The following TRAPPC13 variants were observed in gnomAD, a reference collection of about 807,000 sequenced individuals.
The protein encoded by TRAPPC13 is REV7-interacting novel NHEJ regulator 1.
TRAPPC13 carries 39 observed loss-of-function variants against 54.0 expected under a neutral mutation model. The observed-to-expected ratio is 0.72, with a 90% confidence interval of 0.56 to 0.94. The LOEUF is 0.94. Ranked by LOEUF, TRAPPC13 falls within the 40% of genes least tolerant of loss-of-function variation. TRAPPC13 has a pLI of 0.00. For missense variants in TRAPPC13, 386 were observed against 488.1 expected (o/e 0.79, Z 1.97); for synonymous variants, 148 against 167.7 (o/e 0.88, Z 0.91).
intron 7 of TRAPPC13, chr5:65,652,838 CT>C: frequency 2.5e-6 from 1 of 393,408 alleles, no homozygotes; most frequent in South Asian, 2.5e-5. Context: ...GGTTGTTACA[CT>C]AGCAATCTGT....
chr5:65,645,700 A>G lies in TRAPPC13; in HGVS notation c.301-1355A>G, dbSNP rs181788717. ...ATGCCTGTAATCCCAGCTACTCGGG[A>G]GGCTGAGGCAGGAGAATGGCGTGAA... is the stretch of plus-strand genomic sequence containing the variant. On this transcript the variant is annotated intron_variant, in intron 4 of 12. Transcript: ENST00000399438. Among the ~76,000 whole-genome samples the G allele has an allele frequency of 4.9e-3, 750 of 152,260 alleles. 3 individuals carry two copies. Among genetic ancestry groups the G allele is most frequent in the African/African-American group, 0.017 (723 of 41,540 alleles).
chr5:65,630,621 G>A, intron 1 of TRAPPC13: 1 of 1,054,040 alleles, frequency 9.5e-7, no homozygotes. Context: ...TTGGATTTTG[G>A]TTAATCTCTA....
chr5:65,658,930 G>T (rs1457017297), intron 9 of TRAPPC13, among the ~76,000 whole-genome samples: 1 of 151,972 alleles, frequency 6.6e-6, no homozygotes, highest in Non-Finnish European at 1.5e-5. Flanking sequence ...ATATTGGCCA[G>T]GCTGGTCTTC....
At chr5:65,630,284 C>G (rs1194155795) in intron 1 of TRAPPC13, 1 of 1,532,598 alleles carries the variant, frequency 6.5e-7, no homozygotes, top group South Asian at 1.2e-5. Flanking sequence ...AAGATTAGCT[C>G]TTACTGGAAA....
intron 4 of TRAPPC13, among the ~76,000 whole-genome samples, chr5:65,645,802 TCAAACAAA>T (rs1008210425): frequency 6.6e-6 from 1 of 152,136 alleles, no homozygotes; most frequent in Non-Finnish European, 1.5e-5. Context: ...AGACTCTGTC[TCAAACAAA>T]CAAACAAACA....
intron 1 of TRAPPC13, among the ~76,000 whole-genome samples, chr5:65,628,869 G>T (rs1418775316): frequency 6.6e-6 from 1 of 151,016 alleles, no homozygotes; most frequent in Non-Finnish European, 1.5e-5. Flanking sequence ...TATCGCCCAG[G>T]CTGAGTGGCA....
intron 4 of TRAPPC13, 58 bp downstream of exon 4, chr5:65,637,838 G>C: frequency 9.8e-7 from 1 of 1,020,912 alleles, no homozygotes. Context: ...TTTTTTTTAG[G>C]CCGGGCATGG....
chr5:65,625,477 C>T (rs1581200507), intron 1 of TRAPPC13: 1 of 251,322 alleles, frequency 4.0e-6, no homozygotes, highest in East Asian at 8.9e-5. Context: ...GTTAATCAGG[C>T]TTCAGCTTCC....
At chr5:65,633,495 C>T (rs567738932) in intron 1 of TRAPPC13, among the ~76,000 whole-genome samples, 5 of 151,948 alleles carry the variant, frequency 3.3e-5, no homozygotes, top group Admixed American at 3.3e-4. Context: ...GTCTCGATCT[C>T]CTGACCTCGT....
At position 65,629,486 on chromosome 5, in the gene TRAPPC13, T is replaced by A. The variant is rs1581205500; in HGVS notation, c.46+4380T>A. 3.5e-6 allele frequency: 5 copies of A among 1,431,302 alleles called. No homozygotes were observed. In the East Asian group the frequency reaches 1.2e-4, roughly 36 times the overall value. The allele number at this position is 1,431,302 out of a possible 1,614,324, so 88.7% of individuals were successfully genotyped here. On this transcript the variant is annotated intron_variant, in intron 1 of 12. Transcript: ENST00000399438. ...ACTTTAGGTCCTGTTTCCCTCTGATTTGGCAAGAGAGACAATCTTGCAATA... is the reference window on the plus strand; with the variant it reads ...ACTTTAGGTCCTGTTTCCCTCTGATATGGCAAGAGAGACAATCTTGCAATA...
intron 1 of TRAPPC13, chr5:65,629,936 C>G (rs1285655055): frequency 2.6e-6 from 4 of 1,535,884 alleles, no homozygotes; most frequent in Non-Finnish European, 3.5e-6. Context: ...TTCTGGAAAT[C>G]TGGGTAAACA....
rs16894203 is a variant in TRAPPC13 at position 65,664,919 on chromosome 5, C to G, written c.*308C>G. On this transcript the variant is annotated 3_prime_UTR_variant, in exon 13 of 13. Transcript: ENST00000399438. ...TTTGTCCCTAGCAAGTTATCTAGAA[C>G]ACGAGTCAGCACACTTTTTATGTAA... is the stretch of plus-strand genomic sequence containing the variant. 5,622 of 344,968 alleles carry G rather than the reference C, an allele frequency of 0.016. 298 individuals are homozygous for G. The highest frequency in any genetic ancestry group is 0.12 in the African/African-American group (5,241 of 45,242). 21.4% of individuals were successfully genotyped at this position (344,968 alleles called of 1,614,324 possible). A position where few individuals can be genotyped will look rare whatever the true frequency, so the allele number is the denominator to read the frequency against.
At chr5:65,651,570 G>A (rs553157844) in intron 6 of TRAPPC13, among the ~76,000 whole-genome samples, 2 of 151,220 alleles carry the variant, frequency 1.3e-5, no homozygotes, top group Non-Finnish European at 1.5e-5. Context: ...GGAACTTTAA[G>A]TTGAGTTTTG....
chr5:65,638,317 T>G (rs955409513), intron 4 of TRAPPC13, among the ~76,000 whole-genome samples: 1 of 152,126 alleles, frequency 6.6e-6, no homozygotes. Flanking sequence ...GGTGAGAAAA[T>G]GTACTAGTCA....
rs773338876 is a variant in TRAPPC13 at position 65,658,521 on chromosome 5, G to A, written c.698+20G>A. On this transcript the variant is annotated intron_variant, in intron 9 of 12. Transcript: ENST00000399438. ...AGAATGGTAAATATTAATTTATGAA[G>A]TCTTTATCCTTGTTTTGAAAGATAC... 3.3e-6 allele frequency: 5 copies of A among 1,504,642 alleles called. No homozygotes were observed. The South Asian group carries it at 6.7e-5, about 20-fold the overall frequency. The allele number at this position is 1,504,642 out of a possible 1,614,324, so 93.2% of individuals were successfully genotyped here. A position where few individuals can be genotyped will look rare whatever the true frequency, so the allele number is the denominator to read the frequency against.
intron 5 of TRAPPC13, among the ~76,000 whole-genome samples, chr5:65,650,025 T>C (rs1411731391): frequency 6.6e-6 from 1 of 151,178 alleles, no homozygotes; most frequent in Non-Finnish European, 1.5e-5. Context: ...CCCAGCTGAT[T>C]TTTTGTATTT....
chr5:65,654,216 A>C (rs1411834803), intron 7 of TRAPPC13, among the ~76,000 whole-genome samples: 3 of 152,218 alleles, frequency 2.0e-5, no homozygotes, highest in Non-Finnish European at 2.9e-5. Context: ...CATGCTCTCC[A>C]TAAAGAAATA....
chr5:65,631,502 A>G (rs916902252), intron 1 of TRAPPC13, among the ~76,000 whole-genome samples: 1 of 152,172 alleles, frequency 6.6e-6, no homozygotes, highest in Non-Finnish European at 1.5e-5. Context: ...CCCAATAGGT[A>G]GTTTTTTAGT....
At chr5:65,640,279 T>TATA in intron 4 of TRAPPC13, among the ~76,000 whole-genome samples, 1 of 152,208 alleles carries the variant, frequency 6.6e-6, no homozygotes, top group Non-Finnish European at 1.5e-5. Context: ...GGCTCCTGCC[T>TATA]ATAATCCCAG....
Sources: gnomAD v4.1 joint callset for allele counts (sites outside exome capture counted in the v4.1 genomes callset) on GRCh38, gnomAD v4.1.1 for gene constraint, MANE v1.5 for transcripts, NCBI Gene and HGNC (gene_info 2026-07-23, HGNC 2026-07-21) for gene names.